The following EYA4 variants were observed in gnomAD, a reference collection of about 807,000 sequenced individuals.
EYA4 encodes the protein EYA transcriptional coactivator and phosphatase 4.
Under a neutral mutation model 87.9 loss-of-function variants are expected in EYA4, and 31 were observed. The observed-to-expected ratio is 0.35, with a 90% CI of 0.27 to 0.48. EYA4 has a LOEUF of 0.48. Ranked by LOEUF, EYA4 falls within the 20% of genes least tolerant of loss-of-function variation. EYA4 has a pLI of 0.99. For synonymous variants in EYA4, 263 were observed against 270.6 expected (o/e 0.97, Z 0.28); for missense variants, 678 against 761.4 (o/e 0.89, Z 1.29).
chr6:133,333,864 C>T (rs1325628142), intron 2 of EYA4, among the ~76,000 whole-genome samples: 3 of 152,124 alleles, frequency 2.0e-5, no homozygotes, highest in African/African-American at 7.2e-5. Flanking sequence ...TATGTAAAGA[C>T]AAACTTTTTT....
At position 133,468,641 on chromosome 6, in the gene EYA4, A is replaced by G; in HGVS notation, c.880A>G (p.Met294Val). The G allele has an allele frequency of 6.2e-7, 1 of 1,612,778 alleles. No individual in the cohort carries two copies. The highest frequency in any genetic ancestry group is 8.5e-7 in the Non-Finnish European group (1 of 1,179,000). ...TTCAGCATCAACGTATGGAGCGTAT[A>G]TGACATCGAATAACACAGCCGATGG... ...YYSASTYGAY[M>V]TSNNTADGTP... Residue 294 changes from methionine to valine, a missense_variant, in exon 11 of 20, where the codon ATG (methionine) becomes GTG (valine). Transcript: ENST00000355286.
At chr6:133,466,948 C>T (rs1562455139) in intron 10 of EYA4, among the ~76,000 whole-genome samples, 1 of 152,044 alleles carries the variant, frequency 6.6e-6, no homozygotes, top group Non-Finnish European at 1.5e-5. Context: ...AAGAAAATTA[C>T]ATCATTTAAT....
chr6:133,446,897 T>C, intron 4 of EYA4, 143 bp downstream of exon 4: 1 of 879,290 alleles, frequency 1.1e-6, no homozygotes, highest in Non-Finnish European at 1.7e-6. Context: ...TAATTAATAT[T>C]GATTGTTTTG....
Position 133,483,059 on chromosome 6 carries a change from A to G in EYA4, c.1135A>G (p.Thr379Ala). The G allele has an allele frequency of 6.2e-7, 1 of 1,613,434 alleles. No homozygotes were observed. Among genetic ancestry groups the G allele is most frequent in the Non-Finnish European group, 8.5e-7 (1 of 1,179,692 alleles). ...TGTGTTTGTCTGGGATTTGGATGAA[A>G]CCATCATTGTTTTTCACTCACTGCT... ...ERVFVWDLDE[T>A]IIVFHSLLTG... is the part of the protein sequence containing the mutation. Residue 379 changes from threonine (T) to alanine (A), a missense_variant, in exon 13 of 20, where the codon ACC becomes GCC. Transcript: ENST00000355286.
At chr6:133,511,813 TACAAAAA>T (rs1235478597) in intron 14 of EYA4, 1 of 151,794 alleles carries the variant, frequency 6.6e-6, no homozygotes, top group Non-Finnish European at 1.5e-5. Flanking sequence ...CTAGTAAAAA[TACAAAAA>T]ACACAAAAAA....
chr6:133,525,592 C>G (rs1192483272), intron 19 of EYA4, among the ~76,000 whole-genome samples: 1 of 152,054 alleles, frequency 6.6e-6, no homozygotes, highest in Non-Finnish European at 1.5e-5. Flanking sequence ...AATACACATA[C>G]AATGTGCACA....
intron 13 of EYA4, among the ~76,000 whole-genome samples, chr6:133,485,938 G>T (rs1278407003): frequency 6.6e-6 from 1 of 152,154 alleles, no homozygotes; most frequent in Non-Finnish European, 1.5e-5. Flanking sequence ...AAAGGCAAAA[G>T]CTTTTGAGTC....
At chr6:133,401,640 T>G (rs1788272800) in intron 3 of EYA4, among the ~76,000 whole-genome samples, 1 of 152,208 alleles carries the variant, frequency 6.6e-6, no homozygotes, top group Non-Finnish European at 1.5e-5. Context: ...ATATAGTCTT[T>G]TAGCTTCATC....
At chr6:133,323,050 T>C (rs1024930039) in intron 2 of EYA4, among the ~76,000 whole-genome samples, 1 of 150,804 alleles carries the variant, frequency 6.6e-6, no homozygotes, top group Non-Finnish European at 1.5e-5. Flanking sequence ...TCTCTATATC[T>C]ATGTCTATAT....
At chr6:133,327,269 C>T (rs1276162092) in intron 2 of EYA4, among the ~76,000 whole-genome samples, 1 of 151,990 alleles carries the variant, frequency 6.6e-6, no homozygotes, top group Non-Finnish European at 1.5e-5. Context: ...TCCCGAGTAG[C>T]TGAGATTACA....
chr6:133,381,974 A>G (rs181237367), intron 2 of EYA4, among the ~76,000 whole-genome samples: 3 of 152,334 alleles, frequency 2.0e-5, no homozygotes, highest in African/African-American at 7.2e-5. Flanking sequence ...GTGTATGAAC[A>G]TTTTAGTTAA....
At chr6:133,266,235 A>G (rs1240684199) in intron 1 of EYA4, among the ~76,000 whole-genome samples, 3 of 152,174 alleles carry the variant, frequency 2.0e-5, no homozygotes, top group Non-Finnish European at 4.4e-5. Context: ...GAAAATTTGT[A>G]CAGAGACATA....
intron 2 of EYA4, among the ~76,000 whole-genome samples, chr6:133,378,893 G>T (rs1785929923): frequency 6.7e-6 from 1 of 149,306 alleles, no homozygotes; most frequent in South Asian, 2.1e-4. Context: ...GCAGCAAGTT[G>T]CATTCATTTA....
chr6:133,325,953 C>T (rs1049890134), intron 2 of EYA4, among the ~76,000 whole-genome samples: 2 of 152,210 alleles, frequency 1.3e-5, no homozygotes, highest in African/African-American at 4.8e-5. Flanking sequence ...GTTCGTTCTG[C>T]TGTATGCTGT....
intron 3 of EYA4, among the ~76,000 whole-genome samples, chr6:133,421,853 G>A (rs1360851146): frequency 1.3e-5 from 2 of 152,112 alleles, no homozygotes; most frequent in Non-Finnish European, 2.9e-5. Flanking sequence ...GAATTTGGAA[G>A]GGAAACCCAG....
intron 10 of EYA4, among the ~76,000 whole-genome samples, chr6:133,467,107 AGT>A (rs1794917628): frequency 6.6e-6 from 1 of 152,154 alleles, no homozygotes; most frequent in African/African-American, 2.4e-5. Flanking sequence ...ATGAAAAGAA[AGT>A]GAGATCTTTG....
intron 2 of EYA4, among the ~76,000 whole-genome samples, chr6:133,277,634 C>T (rs1012550729): frequency 1.8e-4 from 28 of 152,216 alleles, no homozygotes; most frequent in African/African-American, 5.5e-4. Flanking sequence ...GCATATCCAG[C>T]TACTGACCAG....
At chr6:133,444,109 G>A (rs1391673763) in intron 3 of EYA4, among the ~76,000 whole-genome samples, 1 of 152,086 alleles carries the variant, frequency 6.6e-6, no homozygotes, top group African/African-American at 2.4e-5. Context: ...CTTTTCTTCT[G>A]TTGGTTACTG....
At chr6:133,345,228 C>T (rs1272307497) in intron 2 of EYA4, among the ~76,000 whole-genome samples, 3 of 152,054 alleles carry the variant, frequency 2.0e-5, no homozygotes, top group Admixed American at 6.5e-5. Flanking sequence ...TAAATATGCT[C>T]TTTTCATATA....
Sources: gnomAD v4.1 joint callset for allele counts (sites outside exome capture counted in the v4.1 genomes callset) on GRCh38, gnomAD v4.1.1 for gene constraint, MANE v1.5 for transcripts, NCBI Gene and HGNC (gene_info 2026-07-23, HGNC 2026-07-21) for gene names.